WDR41: variants seen among roughly 807,000 people sequenced by gnomAD.
WDR41 encodes WD repeat domain 41.
WDR41 carries 63 observed loss-of-function variants against 69.3 expected under a neutral mutation model. The ratio of observed to expected loss-of-function variants is 0.91; its 90% CI spans 0.74 to 1.12. The LOEUF (loss-of-function observed/expected upper bound fraction) is 1.12, where lower values mean the gene tolerates loss of function less well. Ranked by LOEUF, WDR41 falls within the 50% of genes most tolerant of loss-of-function variation. The pLI is 0.00. For synonymous variants in WDR41, 185 were observed against 192.1 expected (o/e 0.96, Z 0.31); for missense variants, 543 against 534.5 (o/e 1.02, Z -0.16).
intron 8 of WDR41, among the ~76,000 whole-genome samples, chr5:77,441,433 A>T (rs1344293313): frequency 1.3e-5 from 2 of 152,082 alleles, no homozygotes; most frequent in East Asian, 3.9e-4. Flanking sequence ...AGGGGAAGAG[A>T]TCCTAGTAAG....
At chr5:77,492,454 G>A (rs1054893069), upstream of WDR41, 1 of 455,098 alleles carries the variant, frequency 2.2e-6, no homozygotes. Context: ...TTGGGGTGCG[G>A]CGGCCGACGG....
rs76814636 is a variant in WDR41, at chr5:77,590,582, T to C, written c.42+29897A>G. On this transcript the variant is annotated intron_variant, in intron 1 of 5. Transcript: ENST00000509971. ...AGGTCAGAGCTGACAAAGAGGAAGA[T>C]GCAGAGGGGAACTGAGAGTGAGCTC... Among the ~76,000 whole-genome samples the C allele has an allele frequency of 2.4e-3, 360 of 152,248 alleles. 2 individuals carry two copies. Among genetic ancestry groups the C allele is most frequent in the African/African-American group, 8.3e-3 (345 of 41,550 alleles).
At chr5:77,522,091 A>G (rs898934170) in intron 1 of WDR41, among the ~76,000 whole-genome samples, 2 of 152,202 alleles carry the variant, frequency 1.3e-5, no homozygotes, top group African/African-American at 4.8e-5. Context: ...CTAAAACATC[A>G]GAGGTGAAGT....
At chr5:77,592,744 G>A (rs563723965) in intron 1 of WDR41, among the ~76,000 whole-genome samples, 2 of 152,270 alleles carry the variant, frequency 1.3e-5, no homozygotes, top group Admixed American at 1.3e-4. Flanking sequence ...TGCATGCAAA[G>A]TACTGCTAAC....
upstream of WDR41, chr5:77,492,503 C>T (rs138843850): frequency 1.0e-4 from 40 of 385,150 alleles, 1 homozygote; most frequent in East Asian, 1.5e-3. Context: ...CGCGCTGCTC[C>T]GAGTGAGCAC....
chr5:77,546,499 C>G (rs1743202803), intron 1 of WDR41, among the ~76,000 whole-genome samples: 1 of 152,082 alleles, frequency 6.6e-6, no homozygotes, highest in African/African-American at 2.4e-5. Context: ...CACCTTTACA[C>G]ACATAAACTA....
intron 2 of WDR41, among the ~76,000 whole-genome samples, chr5:77,478,622 A>G (rs1220008170): frequency 7.9e-5 from 12 of 152,214 alleles, no homozygotes; most frequent in Middle Eastern, 3.2e-3. Context: ...ACAAAATTCA[A>G]CAACACTTCA....
intron 1 of WDR41, among the ~76,000 whole-genome samples, chr5:77,519,228 A>G (rs894203852): frequency 6.6e-5 from 10 of 152,074 alleles, no homozygotes; most frequent in African/African-American, 2.4e-4. Context: ...TTACTCTCCT[A>G]TATCCTTGCA....
At chr5:77,436,203 G>A in intron 12 of WDR41, 58 bp downstream of exon 12, 4 of 1,578,548 alleles carry the variant, frequency 2.5e-6, no homozygotes, top group Non-Finnish European at 3.4e-6. Context: ...TGAAAGAAAA[G>A]AGCAATGAAA....
intron 1 of WDR41, among the ~76,000 whole-genome samples, chr5:77,512,353 T>G (rs13189415): frequency 2.5e-5 from 3 of 120,642 alleles, no homozygotes; most frequent in South Asian, 2.8e-4. Context: ...AGAGAGAGAG[T>G]GAGTGTGTGT....
In WDR41 at chr5:77,520,928, C is replaced by T. The variant is rs533435225; in HGVS notation, c.43-31356G>A. Among the ~76,000 whole-genome samples the T allele has an allele frequency of 2.6e-5, 4 of 152,274 alleles. No individual in the cohort carries two copies. The East Asian group carries it at 7.7e-4, about 29-fold the overall frequency. Reference sequence around the variant, plus strand: ...TTCAGCCGTCATAAGTATCTGAAAACATTCCTCCAGGACATCTTACTGGCA... The same window carrying T: ...TTCAGCCGTCATAAGTATCTGAAAATATTCCTCCAGGACATCTTACTGGCA... On this transcript the variant is annotated intron_variant, in intron 1 of 5. Transcript: ENST00000509971.
At position 77,451,747 on chromosome 5, in the gene WDR41, C is replaced by T. The variant is rs78671534; in HGVS notation, c.524-394G>A. On this transcript the variant is annotated intron_variant, in intron 6 of 12. Transcript: ENST00000296679. The stretch of plus-strand genomic sequence containing the variant: ...TTTTCCTTCATGTAAACTTTAGAAG[C>T]CTGAGCAGGCTCCCTGGCATTGAAT... The T allele has an allele frequency of 8.3e-3, 1,390 of 167,008 alleles. 24 individuals are homozygous for T. Among genetic ancestry groups the T allele is most frequent in the African/African-American group, 0.03 (1,240 of 41,694 alleles). 10.3% of individuals were successfully genotyped at this position (167,008 alleles called of 1,614,324 possible). A position where few individuals can be genotyped will look rare whatever the true frequency, so the allele number is the denominator to read the frequency against.
At chr5:77,523,350 T>A (rs1802400902) in intron 1 of WDR41, among the ~76,000 whole-genome samples, 1 of 152,030 alleles carries the variant, frequency 6.6e-6, no homozygotes, top group Admixed American at 6.6e-5. Context: ...TAATATAACT[T>A]TTCACTCCTT....
chr5:77,492,434 G>T, upstream of WDR41: 1 of 542,276 alleles, frequency 1.8e-6, no homozygotes, highest in Non-Finnish European at 3.0e-6. Context: ...GGCTTAGTTT[G>T]GGCAGTCGCT....
At chr5:77,565,279 A>C (rs1430706166) in intron 1 of WDR41, among the ~76,000 whole-genome samples, 1 of 152,154 alleles carries the variant, frequency 6.6e-6, no homozygotes, top group African/African-American at 2.4e-5. Context: ...TTTAAATACC[A>C]ATTTTATCAT....
intron 1 of WDR41, among the ~76,000 whole-genome samples, chr5:77,558,094 T>TTTAAAAAAAAAAAAAA (rs1554036365): frequency 4.8e-5 from 5 of 104,280 alleles, no homozygotes; most frequent in African/African-American, 1.4e-4. Flanking sequence ...ATGTTCTTTT[T>TTTAAAAAAAAAAAAAA]AAAAAAAAAA....
intron 1 of WDR41, among the ~76,000 whole-genome samples, chr5:77,516,736 C>T (rs1802296290): frequency 6.6e-6 from 1 of 152,052 alleles, no homozygotes; most frequent in Admixed American, 6.6e-5. Flanking sequence ...GAATGTTTTC[C>T]AGCTGGGTGC....
chr5:77,468,359 A>T (rs968422291), intron 2 of WDR41, among the ~76,000 whole-genome samples: 3 of 152,148 alleles, frequency 2.0e-5, no homozygotes, highest in Non-Finnish European at 4.4e-5. Flanking sequence ...CTAGATCATG[A>T]GTCCTTAGAG....
chr5:77,507,271 T>C (rs939999701), intron 1 of WDR41, among the ~76,000 whole-genome samples: 1 of 152,174 alleles, frequency 6.6e-6, no homozygotes, highest in Non-Finnish European at 1.5e-5. Flanking sequence ...GATGTTAAAT[T>C]TTATGTAGTA....
Sources: allele counts gnomAD v4.1 joint callset (sites outside exome capture counted in the v4.1 genomes callset), GRCh38; gene constraint gnomAD v4.1.1; transcripts MANE v1.5; gene names NCBI Gene and HGNC (gene_info 2026-07-23, HGNC 2026-07-21).